Variants in LATS2 observed in about 807,000 individuals in gnomAD.
LATS2 encodes the protein large tumor suppressor kinase 2.
LATS2 carries 24 observed loss-of-function variants against 76.0 expected under a neutral mutation model. That is an observed-to-expected ratio of 0.32 (90% CI 0.23 to 0.44). The LOEUF is 0.44. Among genes scored for constraint, LATS2 ranks in the 20% least tolerant of loss-of-function variants. The probability of loss-of-function intolerance (pLI) is 1.00; values close to 1 mark genes in which losing one functional copy is unlikely to be tolerated. For synonymous variants in LATS2, 692 were observed against 635.4 expected (o/e 1.09, Z -1.34); for missense variants, 1,286 against 1,481.2 (o/e 0.87, Z 2.16).
In LATS2 at chr13:20,983,528, C is replaced by T. The variant is rs769771909; in HGVS notation, c.2178G>A (p.Glu726=). ...ERDILAEADN[E]WVVKLYYSFQ... is the part of the protein sequence containing the mutation. The stretch of plus-strand genomic sequence containing the variant: ...AGGAGTAGTAGAGTTTGACCACCCA[C>T]TCATTGTCTGCCTCGGCCAGGATGT... The change falls in exon 5 of 8, where the codon GAG becomes GAA. Residue 726 remains glutamate, a synonymous_variant. Coordinates refer to ENST00000382592, the MANE Select transcript of LATS2 (RefSeq NM_014572.3). The T allele has an allele frequency of 6.2e-7, 1 of 1,614,138 alleles. No homozygotes were observed. Among genetic ancestry groups the T allele is most frequent in the South Asian group, 1.1e-5 (1 of 91,082 alleles).
chr13:21,033,795 C>T (rs1341161309), intron 2 of LATS2, among the ~76,000 whole-genome samples: 1 of 151,354 alleles, frequency 6.6e-6, no homozygotes, highest in Non-Finnish European at 1.5e-5. Flanking sequence ...TACTTCTTGG[C>T]TGGAGAAATT....
intron 1 of LATS2, among the ~76,000 whole-genome samples, chr13:21,050,665 G>A (rs1873242750): frequency 6.6e-6 from 1 of 152,178 alleles, no homozygotes; most frequent in Non-Finnish European, 1.5e-5. Flanking sequence ...TGGCACCACT[G>A]CCATTCAGGT....
Position 20,991,209 on chromosome 13 carries a change from G to T in LATS2, c.475+63C>A, listed in dbSNP as rs79048256. The T allele has an allele frequency of 3.1e-5, 49 of 1,600,908 alleles. No homozygotes were observed. In the Admixed American group the frequency reaches 8.2e-4, roughly 27 times the overall value. ...CAGGCCAGGTTGGACCCCTCTGCAC[G>T]TGGTTTTGTTGTCCTTAAGCCACAA... On this transcript the variant is annotated intron_variant, in intron 3 of 7. Coordinates refer to ENST00000382592, the MANE Select transcript of LATS2 (RefSeq NM_014572.3). The surrounding 1 kb of genome is among the most constrained non-coding windows in gnomAD (Gnocchi z 4.9).
intron 2 of LATS2, among the ~76,000 whole-genome samples, chr13:21,040,093 A>T (rs1256633873): frequency 2.0e-5 from 3 of 151,876 alleles, no homozygotes; most frequent in Non-Finnish European, 4.4e-5. Context: ...AAAAAGAAAG[A>T]AAGAAATTTC....
intron 2 of LATS2, among the ~76,000 whole-genome samples, chr13:21,019,338 T>C (rs1042707390): frequency 8.4e-6 from 1 of 118,796 alleles, no homozygotes; most frequent in Non-Finnish European, 1.9e-5. Context: ...ATTATTATTA[T>C]TATTTGAGAC....
At position 20,988,792 on chromosome 13, in the gene LATS2, C is replaced by G; in HGVS notation, c.988G>C (p.Val330Leu). ...QAGPAAHQLHVLGSRSQVFAS... is the reference protein window; with the variant it reads ...QAGPAAHQLHLLGSRSQVFAS... ...AACACCTGGCTGCGGGAGCCCAGCA[C>G]ATGCAGCTGGTGGGCCGCGGGACCG... Residue 330 changes from valine (V) to leucine (L), a missense_variant, in exon 4 of 8, where the codon GTG becomes CTG. Physicochemically the swap from Val to Leu is conservative, Grantham distance 32. Coordinates refer to ENST00000382592, the MANE Select transcript of LATS2 (RefSeq NM_014572.3). 1 of 1,594,190 alleles carries G rather than the reference C, an allele frequency of 6.3e-7. No individual in the cohort carries two copies. The highest frequency in any genetic ancestry group is 1.1e-5 in the South Asian group (1 of 90,316).
At position 20,988,619 on chromosome 13, in the gene LATS2, C is replaced by T. The variant is rs12868504; in HGVS notation, c.1161G>A (p.Glu387=). The T allele has an allele frequency of 6.3e-7, 1 of 1,589,018 alleles. No homozygotes were observed. Among genetic ancestry groups the T allele is most frequent in the Non-Finnish European group, 8.5e-7 (1 of 1,175,824 alleles). The change falls in exon 4 of 8, where the codon GAG becomes GAA. Residue 387 remains glutamate, a synonymous_variant. Coordinates refer to ENST00000382592, the MANE Select transcript of LATS2 (RefSeq NM_014572.3). Reference sequence around the variant, plus strand: ...AGGCCACGTGCGCGCGCGGCGGCGCCTCCAGGCCCGGCTTCTGCAGGGAGT... The same window carrying T: ...AGGCCACGTGCGCGCGCGGCGGCGCTTCCAGGCCCGGCTTCTGCAGGGAGT... ...RRDSLQKPGL[E]APPRAHVAFR...
intron 2 of LATS2, among the ~76,000 whole-genome samples, chr13:21,034,629 C>G (rs1235117485): frequency 2.6e-5 from 4 of 152,170 alleles, no homozygotes; most frequent in Non-Finnish European, 5.9e-5. Context: ...TCATCTTCAG[C>G]ATCCTTCTTA....
intron 3 of LATS2, among the ~76,000 whole-genome samples, chr13:20,990,691 A>G (rs1870470119): frequency 6.6e-6 from 1 of 152,078 alleles, no homozygotes; most frequent in South Asian, 2.1e-4. Context: ...CTCAGGTACC[A>G]ATCACAGGGC....
intron 2 of LATS2, among the ~76,000 whole-genome samples, chr13:21,043,891 GAGA>G (rs530097199): frequency 8.3e-4 from 127 of 152,260 alleles, no homozygotes; most frequent in South Asian, 2.7e-3. Flanking sequence ...TGATTTACAG[GAGA>G]AGATTTTAAG....
At chr13:20,979,830 G>C (rs755583254) in intron 6 of LATS2, 33 bp from the exon 7 acceptor site, 1 of 1,195,726 alleles carries the variant, frequency 8.4e-7, no homozygotes, top group Non-Finnish European at 1.2e-6. Context: ...TCCCTACACA[G>C]GCATGAATTC....
intron 3 of LATS2, among the ~76,000 whole-genome samples, chr13:20,989,771 C>G (rs1870428441): frequency 1.3e-5 from 2 of 152,238 alleles, no homozygotes; most frequent in Non-Finnish European, 2.9e-5. Context: ...TGTGCAGCAG[C>G]TGCTCCACTT....
At chr13:21,035,943 G>A (rs982101164) in intron 2 of LATS2, among the ~76,000 whole-genome samples, 2 of 152,240 alleles carry the variant, frequency 1.3e-5, no homozygotes, top group African/African-American at 4.8e-5. Context: ...CTGTCGCCCA[G>A]GCTGGAGTGC....
chr13:21,020,332 T>G (rs1381125113), intron 2 of LATS2, among the ~76,000 whole-genome samples: 1 of 152,184 alleles, frequency 6.6e-6, no homozygotes, highest in Non-Finnish European at 1.5e-5. Flanking sequence ...ATCCTATTAT[T>G]TGCCATTAAA....
chr13:20,979,369 T>TG (rs1318177632), intron 7 of LATS2, among the ~76,000 whole-genome samples: 1 of 151,822 alleles, frequency 6.6e-6, no homozygotes, highest in Non-Finnish European at 1.5e-5. Flanking sequence ...CAGGTGTGGG[T>TG]GGGGGAGACA....
In LATS2 at chr13:20,983,554, C is replaced by A; in HGVS notation, c.2152G>T (p.Asp718Tyr). The A allele has an allele frequency of 6.2e-7, 1 of 1,614,136 alleles. No homozygotes were observed. Among genetic ancestry groups the A allele is most frequent in the Middle Eastern group, 1.6e-4 (1 of 6,062 alleles). The change falls in exon 5 of 8, where the codon GAC becomes TAC. Residue 718 changes from aspartate (D) to tyrosine (Y), a missense_variant. By Grantham distance (160) the Asp-to-Tyr change is radical. Transcript: ENST00000382592. ...TCATTGTCTGCCTCGGCCAGGATGT[C>A]CCTCTCGGCCTTGACGTGGGCCACC... Reference protein sequence around the residue: ...NQVAHVKAERDILAEADNEWV... With the variant: ...NQVAHVKAERYILAEADNEWV...
At chr13:20,994,579 C>T (rs1870662378) in intron 2 of LATS2, among the ~76,000 whole-genome samples, 1 of 152,148 alleles carries the variant, frequency 6.6e-6, no homozygotes, top group Non-Finnish European at 1.5e-5. Context: ...AGCTTGGCCA[C>T]TCACCTTCCT....
At chr13:21,027,758 T>C (rs1872362798) in intron 2 of LATS2, among the ~76,000 whole-genome samples, 1 of 152,140 alleles carries the variant, frequency 6.6e-6, no homozygotes, top group African/African-American at 2.4e-5. Flanking sequence ...CAGTGCCATA[T>C]GAATTCACAA....
chr13:21,049,160 T>C (rs1464444373), intron 1 of LATS2, among the ~76,000 whole-genome samples: 1 of 151,812 alleles, frequency 6.6e-6, no homozygotes, highest in East Asian at 1.9e-4. Flanking sequence ...ACATAGGAGG[T>C]CAAAGGACTC....
Sources: gnomAD v4.1 joint callset for allele counts (sites outside exome capture counted in the v4.1 genomes callset) on GRCh38, gnomAD v4.1.1 for gene constraint, Gnocchi (gnomAD v3.1) non-coding constraint, MANE v1.5 for transcripts, NCBI Gene and HGNC (gene_info 2026-07-23, HGNC 2026-07-21) for gene names.